The following SCYL2 variants were observed in gnomAD, a reference collection of about 807,000 sequenced individuals.
SCYL2 encodes the protein SCY1 like pseudokinase 2.
A neutral mutation model predicts 100.4 loss-of-function variants in SCYL2; 36 were observed. The ratio of observed to expected loss-of-function variants is 0.36; its 90% CI spans 0.27 to 0.47. SCYL2 has a LOEUF of 0.47. Among genes scored for constraint, SCYL2 ranks in the 20% least tolerant of loss-of-function variants. SCYL2 has a pLI of 1.00. For missense variants in SCYL2, 902 were observed against 1,083.9 expected, an observed-to-expected ratio of 0.83 and a Z score of 2.36; for synonymous variants, 330 against 359.2, an observed-to-expected ratio of 0.92 and a Z score of 0.92.
intron 17 of SCYL2, among the ~76,000 whole-genome samples, chr12:100,337,774 C>T (rs1036743955): frequency 6.6e-6 from 1 of 152,198 alleles, no homozygotes; most frequent in African/African-American, 2.4e-5. Flanking sequence ...TCATAGTACT[C>T]ATTCAACTCT....
At chr12:100,300,329 T>C (rs544580376) in intron 4 of SCYL2, among the ~76,000 whole-genome samples, 1 of 152,314 alleles carries the variant, frequency 6.6e-6, no homozygotes, top group East Asian at 1.9e-4. Context: ...TGTGGCAAAA[T>C]ACCATCTTAA....
intron 12 of SCYL2, among the ~76,000 whole-genome samples, chr12:100,328,405 T>C (rs7314677): frequency 6.6e-6 from 1 of 152,208 alleles, no homozygotes; most frequent in African/African-American, 2.4e-5. Flanking sequence ...GAGACTAACG[T>C]CATTTTAGGA....
intron 10 of SCYL2, among the ~76,000 whole-genome samples, chr12:100,321,011 C>T (rs2096355202): frequency 6.6e-6 from 1 of 152,184 alleles, no homozygotes; most frequent in Non-Finnish European, 1.5e-5. Flanking sequence ...TCACTGTGGC[C>T]TTGACCTCCC....
rs1314681994 is a variant in SCYL2 at position 100,339,538 on chromosome 12, A to G, written c.*366A>G. 1 of 250,838 alleles carries G rather than the reference A, an allele frequency of 4.0e-6. No individual in the cohort carries two copies. Among genetic ancestry groups the G allele is most frequent in the Non-Finnish European group, 7.7e-6 (1 of 129,668 alleles). 15.5% of individuals were successfully genotyped at this position (250,838 alleles called of 1,614,324 possible). A position where few individuals can be genotyped will look rare whatever the true frequency, so the allele number is the denominator to read the frequency against. On this transcript the variant is annotated 3_prime_UTR_variant, in exon 18 of 18. Coordinates refer to ENST00000360820, the MANE Select transcript of SCYL2 (RefSeq NM_017988.6). ...AAAAATTGAGGTGATGGTCATTGCA[A>G]GCTCATCTATTAAGTACTATATGGT...
At chr12:100,279,457 ATCG>A (rs2096295900) in intron 1 of SCYL2, among the ~76,000 whole-genome samples, 1 of 152,206 alleles carries the variant, frequency 6.6e-6, no homozygotes, top group African/African-American at 2.4e-5. Context: ...TATAAGTCAC[ATCG>A]TCTTGCTTCT....
In SCYL2 at chr12:100,315,746, A is replaced by T. The variant is rs1447676152; in HGVS notation, c.1272+12A>T. Reference sequence around the variant, plus strand: ...AGGAGCCAATCCAGGTATGTTATAGATATTTTTGTGTATTTATCTACTGTT... The same window carrying T: ...AGGAGCCAATCCAGGTATGTTATAGTTATTTTTGTGTATTTATCTACTGTT... On this transcript the variant is annotated intron_variant, in intron 9 of 17. Transcript: ENST00000360820. 7.6e-6 allele frequency: 12 copies of T among 1,585,288 alleles called. No homozygotes were observed. The highest frequency in any genetic ancestry group is 1.0e-5 in the Non-Finnish European group (12 of 1,165,138).
Position 100,277,071 on chromosome 12 carries a change from T to C in SCYL2, c.-28-5872T>C, listed in dbSNP as rs1415428974. Among the ~76,000 whole-genome samples, 7 of 152,210 alleles carry C rather than the reference T, an allele frequency of 4.6e-5. No homozygotes were observed. The East Asian group carries it at 1.3e-3, about 29-fold the overall frequency. ...TCTATATATTTTAATCTATTATTGA[T>C]TTCTAGTTTAATTTTATTGTAGTCA... On this transcript the variant is annotated intron_variant, in intron 1 of 17. Transcript: ENST00000360820.
intron 10 of SCYL2, among the ~76,000 whole-genome samples, chr12:100,322,271 G>A (rs2096356884): frequency 6.7e-6 from 1 of 148,760 alleles, no homozygotes; most frequent in Non-Finnish European, 1.5e-5. Context: ...TACGCGGGAG[G>A]CTGAGGCAGG....
At chr12:100,337,553 G>A in intron 17 of SCYL2, 47 bp downstream of exon 17, 1 of 1,552,308 alleles carries the variant, frequency 6.4e-7, no homozygotes. Flanking sequence ...CGACTGTTAA[G>A]GAGTAAGGTG....
At chr12:100,320,955 C>A (rs2096355147) in intron 10 of SCYL2, among the ~76,000 whole-genome samples, 1 of 152,092 alleles carries the variant, frequency 6.6e-6, no homozygotes, top group African/African-American at 2.4e-5. Flanking sequence ...GTTGCCCAGG[C>A]TTGAGTGCAG....
In SCYL2 at chr12:100,313,474, A is replaced by T; in HGVS notation, c.905A>T (p.Glu302Val). The change falls in exon 7 of 18, where the codon GAA becomes GTA. Residue 302 changes from glutamate (E) to valine (V), a missense_variant. Physicochemically the swap from Glu to Val is moderately radical, Grantham distance 121 (BLOSUM62 -2). Transcript: ENST00000360820. ...ACAAATATACCTGAGGAAGTTCGTG[A>T]ACATGTAAAGCTACTGTTAAATGTA... is the stretch of plus-strand genomic sequence containing the variant. ...SLTNIPEEVREHVKLLLNVTP... is the reference protein window; with the variant it reads ...SLTNIPEEVRVHVKLLLNVTP... The T allele has an allele frequency of 6.2e-7, 1 of 1,611,420 alleles. No individual in the cohort carries two copies. The highest frequency in any genetic ancestry group is 8.5e-7 in the Non-Finnish European group (1 of 1,177,970).
In SCYL2 at chr12:100,267,202, T is replaced by C. The variant is rs1275378727; in HGVS notation, c.-619T>C. 1 of 1,008,256 alleles carries C rather than the reference T, an allele frequency of 9.9e-7. No homozygotes were observed. Among genetic ancestry groups the C allele is most frequent in the East Asian group, 2.6e-5 (1 of 38,768 alleles). 62.5% of individuals were successfully genotyped at this position (1,008,256 alleles called of 1,614,324 possible). A position where few individuals can be genotyped will look rare whatever the true frequency, so the allele number is the denominator to read the frequency against. On this transcript the variant is annotated 5_prime_UTR_variant, in exon 1 of 18. Transcript: ENST00000360820. ...AGTCTTTTTCCCCCTCCCTTACTCT[T>C]CGTCCCCGGTCCCTCCCCTCCCCAC...
At chr12:100,316,919 T>A (rs2096349471) in intron 9 of SCYL2, among the ~76,000 whole-genome samples, 1 of 152,088 alleles carries the variant, frequency 6.6e-6, no homozygotes, top group South Asian at 2.1e-4. Flanking sequence ...CTGGGCAACA[T>A]GGTGAAACCC....
intron 10 of SCYL2, 37 bp from the exon 11 acceptor site, chr12:100,323,488 C>T (rs751180591): frequency 1.7e-6 from 2 of 1,206,864 alleles, no homozygotes; most frequent in Non-Finnish European, 2.4e-6. Context: ...AAAGATGAGT[C>T]TTTCCCTAAT....
At chr12:100,310,896 A>G in intron 4 of SCYL2, 148 bp from the exon 5 acceptor site, 1 of 665,154 alleles carries the variant, frequency 1.5e-6, no homozygotes, top group Admixed American at 3.7e-5. Context: ...ATCTGTGTAT[A>G]CTTTGGTATT....
chr12:100,306,427 GA>G (rs1274360371), intron 4 of SCYL2, among the ~76,000 whole-genome samples: 3 of 152,162 alleles, frequency 2.0e-5, no homozygotes, highest in Non-Finnish European at 4.4e-5. Context: ...AATAGTTGCA[GA>G]AAAGGCCTTT....
intron 9 of SCYL2, among the ~76,000 whole-genome samples, chr12:100,316,875 G>C (rs1402293661): frequency 1.3e-5 from 2 of 152,148 alleles, no homozygotes; most frequent in Admixed American, 6.6e-5. Flanking sequence ...GTCAAAGCAG[G>C]CAGATTGCTT....
At chr12:100,281,030 T>TTG (rs2096297749) in intron 1 of SCYL2, among the ~76,000 whole-genome samples, 1 of 128,680 alleles carries the variant, frequency 7.8e-6, no homozygotes, top group African/African-American at 3.2e-5. Flanking sequence ...TTTTTTTTTT[T>TTG]TTTTTTTTTT....
chr12:100,298,050 A>G lies in SCYL2; in HGVS notation c.355A>G (p.Thr119Ala). The change falls in exon 4 of 18, where the codon ACA becomes GCA. Residue 119 changes from threonine to alanine, a missense_variant. Coordinates refer to ENST00000360820, the MANE Select transcript of SCYL2 (RefSeq NM_017988.6). The part of the protein sequence containing the change: ...EESRDCLAFC[T>A]EPVFASLANV... The stretch of plus-strand genomic sequence containing the variant: ...AAACAGGGATTGCTTGGCATTTTGT[A>G]CAGAACCAGTTTTTGCCAGTTTAGC... 1 of 1,610,562 alleles carries G rather than the reference A, an allele frequency of 6.2e-7. No homozygotes were observed. The highest frequency in any genetic ancestry group is 1.1e-5 in the South Asian group (1 of 90,038).
Sources: allele counts gnomAD v4.1 joint callset (sites outside exome capture counted in the v4.1 genomes callset), GRCh38; gene constraint gnomAD v4.1.1; transcripts MANE v1.5; gene names NCBI Gene and HGNC (gene_info 2026-07-23, HGNC 2026-07-21).